Variants in ERMARD observed in about 807,000 individuals in gnomAD.
ERMARD encodes the protein endoplasmic reticulum membrane-associated RNA degradation protein.
Under a neutral mutation model 83.9 loss-of-function variants are expected in ERMARD, and 71 were observed. That is an observed-to-expected ratio of 0.85 (90% CI 0.70 to 1.03). The LOEUF is 1.03. Among genes scored for constraint, ERMARD ranks in the 50% least tolerant of loss-of-function variants. ERMARD has a pLI of 0.00. For synonymous variants in ERMARD, 284 were observed against 298.6 expected, an observed-to-expected ratio of 0.95 and a Z score of 0.50; for missense variants, 838 against 810.9, an observed-to-expected ratio of 1.03 and a Z score of -0.41.
In ERMARD at chr6:169,774,355, G is replaced by A. The variant is rs568159998; in HGVS notation, c.1318-915G>A. Among the ~76,000 whole-genome samples, 50 of 151,700 alleles carry A rather than the reference G, an allele frequency of 3.3e-4. No homozygotes were observed. The South Asian group carries it at 8.5e-3, about 26-fold the overall frequency. On this transcript the variant is annotated intron_variant, in intron 13 of 17. Transcript: ENST00000366773. The stretch of plus-strand genomic sequence containing the variant: ...CTGTGCTGGTCAGATGCCATTCCCC[G>A]TTGGCGCTGTGGACCAGCTTTACCA...
intron 12 of ERMARD, chr6:169,770,905 A>G (rs1370200902): frequency 6.6e-6 from 1 of 151,806 alleles, no homozygotes; most frequent in Non-Finnish European, 1.5e-5. Context: ...CCATTGGATC[A>G]TTAGCCTTGT....
intron 16 of ERMARD, among the ~76,000 whole-genome samples, chr6:169,778,070 T>C (rs571057470): frequency 5.9e-4 from 90 of 152,256 alleles, no homozygotes; most frequent in Non-Finnish European, 8.4e-4. Context: ...TCTGGGACCA[T>C]GGAGATGCGC....
chr6:169,763,119 C>T (rs1026400656), intron 9 of ERMARD, among the ~76,000 whole-genome samples: 17 of 152,190 alleles, frequency 1.1e-4, no homozygotes, highest in African/African-American at 4.1e-4. Flanking sequence ...AGCCTACCTC[C>T]TCTGGCTCCT....
rs757557913 is a variant in ERMARD at position 169,759,825 on chromosome 6, T to C, written c.606-13T>C. The C allele has an allele frequency of 6.2e-7, 1 of 1,604,206 alleles. No homozygotes were observed. Among genetic ancestry groups the C allele is most frequent in the Non-Finnish European group, 8.5e-7 (1 of 1,172,072 alleles). On this transcript the variant is annotated splice_polypyrimidine_tract_variant and intron_variant, in intron 6 of 17. Transcript: ENST00000366773. ...AGTACATTTTTGTAACAGATCTCTATGGTATTTCCTAGATACTGTTCAATG... is the reference window on the plus strand; with the variant it reads ...AGTACATTTTTGTAACAGATCTCTACGGTATTTCCTAGATACTGTTCAATG...
At chr6:169,756,096 T>A (rs983141757) in intron 3 of ERMARD, among the ~76,000 whole-genome samples, 2 of 152,212 alleles carry the variant, frequency 1.3e-5, no homozygotes, top group African/African-American at 4.8e-5. Context: ...CCACTTAAAT[T>A]GTGCCAGATT....
intron 13 of ERMARD, 111 bp downstream of exon 13, chr6:169,773,513 G>T: frequency 1.9e-6 from 2 of 1,056,656 alleles, no homozygotes; most frequent in South Asian, 1.4e-5. Context: ...CTTTGAGTTG[G>T]GCAGATCCAG....
intron 1 of ERMARD, among the ~76,000 whole-genome samples, chr6:169,752,683 C>G (rs773496593): frequency 6.6e-6 from 1 of 152,124 alleles, no homozygotes; most frequent in East Asian, 1.9e-4. Flanking sequence ...ACAACACAGC[C>G]CCCCCTTAAC....
At chr6:169,774,935 C>T (rs1421452963) in intron 13 of ERMARD, among the ~76,000 whole-genome samples, 1 of 152,188 alleles carries the variant, frequency 6.6e-6, no homozygotes, top group Non-Finnish European at 1.5e-5. Flanking sequence ...TGCACAGCAT[C>T]GTCACACCTG....
chr6:169,766,524 C>CA (rs1792230269), intron 9 of ERMARD, 114 bp from the exon 10 acceptor site: 1 of 730,126 alleles, frequency 1.4e-6, no homozygotes, highest in South Asian at 2.2e-5. Context: ...TTTGTTTTAA[C>CA]AAAAAACTTT....
At chr6:169,758,531 G>T (rs541921384) in intron 5 of ERMARD, among the ~76,000 whole-genome samples, 1 of 152,188 alleles carries the variant, frequency 6.6e-6, no homozygotes, top group Non-Finnish European at 1.5e-5. Context: ...ACACAATTGC[G>T]TGCTGCTTAA....
intron 15 of ERMARD, 61 bp from the exon 16 acceptor site, chr6:169,776,391 CAGA>C (rs763964206): frequency 3.5e-5 from 55 of 1,572,340 alleles, no homozygotes; most frequent in Non-Finnish European, 4.6e-5. Flanking sequence ...CTTGCAGGTG[CAGA>C]AGGAGAGTGA....
chr6:169,766,805 A>C (rs540094127), intron 10 of ERMARD, 138 bp downstream of exon 10: 18 of 917,126 alleles, frequency 2.0e-5, no homozygotes, highest in Non-Finnish European at 2.6e-5. Context: ...TATAAACCAA[A>C]AAAAGCTGAT....
In ERMARD at chr6:169,753,962, T is replaced by C. The variant is rs1329607558; in HGVS notation, c.105T>C (p.Asn35=). ...AACTCAGAGAAAATTGTGATATCAA[T>C]AGCATTGTAACTCAGAATGGTGAAG... ...GFQLRENCDI[N]SIVTQNGEVC... Residue 35 remains asparagine (N), a synonymous_variant, in exon 2 of 18, where the codon AAT becomes AAC. Transcript: ENST00000366773. 6.2e-7 allele frequency: 1 copy of C among 1,613,746 alleles called. No homozygotes were observed. Among genetic ancestry groups the C allele is most frequent in the South Asian group, 1.1e-5 (1 of 91,050 alleles).
At chr6:169,767,900 T>C (rs1792421299) in intron 10 of ERMARD, 1 of 589,616 alleles carries the variant, frequency 1.7e-6, no homozygotes, top group Non-Finnish European at 3.0e-6. Flanking sequence ...TATACAATTA[T>C]TAATATAGTC....
intron 10 of ERMARD, chr6:169,766,988 C>T (rs544085672): frequency 2.7e-5 from 7 of 255,200 alleles, no homozygotes; most frequent in Admixed American, 5.4e-5. Context: ...AAATATTCCC[C>T]GCTACTGTTA....
intron 16 of ERMARD, among the ~76,000 whole-genome samples, chr6:169,778,884 T>G (rs1037981155): frequency 1.3e-5 from 2 of 152,240 alleles, no homozygotes; most frequent in Non-Finnish European, 2.9e-5. Context: ...ACCTGCCTGG[T>G]GCCCTGTGAG....
chr6:169,773,083 TG>T, intron 12 of ERMARD: 1 of 441,162 alleles, frequency 2.3e-6, no homozygotes. Flanking sequence ...GCACAGAGGG[TG>T]GGTGTGGCAT....
At chr6:169,756,652 T>A (rs953641845) in intron 4 of ERMARD, 67 bp from the exon 5 acceptor site, 1 of 1,370,008 alleles carries the variant, frequency 7.3e-7, no homozygotes, top group African/African-American at 1.4e-5. Context: ...AGTTGCTTCA[T>A]GGATAATGTT....
At chr6:169,775,093 G>A (rs867103487) in intron 13 of ERMARD, among the ~76,000 whole-genome samples, 177 bp from the exon 14 acceptor site, 3 of 152,158 alleles carry the variant, frequency 2.0e-5, no homozygotes, top group Non-Finnish European at 4.4e-5. Flanking sequence ...GGTAGTTTCC[G>A]CAGCCTTCCC....
Sources: allele counts gnomAD v4.1 joint callset (sites outside exome capture counted in the v4.1 genomes callset), GRCh38; gene constraint gnomAD v4.1.1; transcripts MANE v1.5; gene names NCBI Gene and HGNC (gene_info 2026-07-23, HGNC 2026-07-21).